Variants in CYP4A11 observed in about 807,000 individuals in gnomAD.
The protein encoded by CYP4A11 is cytochrome P450 4A11.
CYP4A11 carries 52 observed loss-of-function variants against 57.7 expected under a neutral mutation model. The ratio of observed to expected loss-of-function variants is 0.90; its 90% CI spans 0.72 to 1.14. CYP4A11 has a LOEUF of 1.14. CYP4A11 is among the 50% of genes most tolerant of loss of function. The pLI, the probability that CYP4A11 is intolerant of heterozygous loss-of-function variation, is 0.00. For synonymous variants in CYP4A11, 228 were observed against 247.1 expected (o/e 0.92, Z 0.72); for missense variants, 641 against 642.1 (o/e 1.00, Z 0.02).
intron 4 of CYP4A11, among the ~76,000 whole-genome samples, chr1:46,936,283 T>C (rs1042679994): frequency 6.6e-6 from 1 of 152,186 alleles, no homozygotes; most frequent in Non-Finnish European, 1.5e-5. Flanking sequence ...CCTGGGTGGG[T>C]GACATCTTGG....
chr1:46,933,084 A>G, intron 9 of CYP4A11, 37 bp from the exon 10 acceptor site: 1 of 1,613,000 alleles, frequency 6.2e-7, no homozygotes. Flanking sequence ...AAGACCAATC[A>G]TTTGCATGGG....
At chr1:46,936,182 G>T (rs1323576882) in intron 4 of CYP4A11, among the ~76,000 whole-genome samples, 1 of 152,246 alleles carries the variant, frequency 6.6e-6, no homozygotes, top group African/African-American at 2.4e-5. Context: ...GCTATCTATG[G>T]AAGGTATTGC....
intron 4 of CYP4A11, among the ~76,000 whole-genome samples, 154 bp downstream of exon 4, chr1:46,936,510 T>A (rs1484892803): frequency 1.7e-4 from 26 of 152,198 alleles, no homozygotes; most frequent in Non-Finnish European, 2.1e-4. Flanking sequence ...CTTATACAAC[T>A]CTGGGGAACC....
intron 1 of CYP4A11, 145 bp downstream of exon 1, chr1:46,941,094 G>T (rs1333380606): frequency 1.4e-6 from 2 of 1,416,020 alleles, no homozygotes; most frequent in Non-Finnish European, 9.3e-7. Context: ...ACTGGGAAAA[G>T]CTGAGACCAG....
rs1298589176 is a variant in CYP4A11, at chr1:46,933,992, C to T, written c.1176G>A (p.Glu392=). Residue 392 remains glutamate (E), a synonymous_variant, in exon 9 of 12, where the codon GAG becomes GAA. Coordinates refer to ENST00000310638, the MANE Select transcript of CYP4A11 (RefSeq NM_000778.4). Reference sequence around the variant, plus strand: ...CAGGGAAGGTGACGGGAGTGCTGAGCTCTCTGCCAATGCCTGGCACCGGTG... The same window carrying T: ...CAGGGAAGGTGACGGGAGTGCTGAGTTCTCTGCCAATGCCTGGCACCGGTG... ...LYPPVPGIGR[E]LSTPVTFPDG... is the part of the protein sequence containing the mutation. 9.3e-6 allele frequency: 15 copies of T among 1,614,102 alleles called. No homozygotes were observed. Among genetic ancestry groups the T allele is most frequent in the Non-Finnish European group, 1.0e-5 (12 of 1,180,014 alleles).
intron 1 of CYP4A11, among the ~76,000 whole-genome samples, chr1:46,939,301 T>C (rs1424254010): frequency 2.6e-5 from 4 of 152,196 alleles, no homozygotes; most frequent in African/African-American, 4.8e-5. Context: ...GCACACATAC[T>C]ATGTGCCCAG....
At chr1:46,934,135 T>A in intron 8 of CYP4A11, 41 bp downstream of exon 8, 1 of 1,608,962 alleles carries the variant, frequency 6.2e-7, no homozygotes, top group Non-Finnish European at 8.5e-7. Context: ...GGGGCCCCTG[T>A]GGAGAAGGCA....
intron 2 of CYP4A11, 30 bp from the exon 3 acceptor site, chr1:46,937,376 A>G (rs1366742569): frequency 2.3e-5 from 37 of 1,608,808 alleles, no homozygotes; most frequent in Non-Finnish European, 3.1e-5. Flanking sequence ...TTTATAGGAA[A>G]CTAGGAGTTA....
At chr1:46,935,829 G>A (rs935405877) in intron 4 of CYP4A11, among the ~76,000 whole-genome samples, 182 bp from the exon 5 acceptor site, 3 of 152,208 alleles carry the variant, frequency 2.0e-5, no homozygotes, top group Admixed American at 6.5e-5. Context: ...AGCCAGTGTT[G>A]GTAAACTGAC....
rs1233745475 is a variant in CYP4A11, at chr1:46,935,016, C to T, written c.774G>A (p.Leu258=). 1.9e-6 allele frequency: 3 copies of T among 1,613,786 alleles called. No individual in the cohort carries two copies. The highest frequency in any genetic ancestry group is 2.7e-5 in the African/African-American group (2 of 74,908). Residue 258 remains leucine (L), a synonymous_variant, in exon 6 of 12, where the codon CTG becomes CTA. Transcript: ENST00000310638. ...AGRWTHRACQ[L]AHQHTDQVIQ... ...AGACAGAACCTGTGTGCTGATGGGC[C>T]AGCTGGCAGGCGCGGTGTGTCCAGC...
In CYP4A11 at chr1:46,937,161, C is replaced by T. The variant is rs1681459851; in HGVS notation, c.382+141G>A. On this transcript the variant is annotated intron_variant, in intron 3 of 11. Transcript: ENST00000310638. ...ACCAGCATTAGGAAGGGGTGAGGGTCTTGTTAGAAGAAGGAAGTGAGGCTT... is the reference window on the plus strand; with the variant it reads ...ACCAGCATTAGGAAGGGGTGAGGGTTTTGTTAGAAGAAGGAAGTGAGGCTT... The T allele has an allele frequency of 3.9e-5, 41 of 1,050,782 alleles. No homozygotes were observed. The South Asian group carries it at 6.8e-4, about 18-fold the overall frequency. The allele number at this position is 1,050,782 out of a possible 1,614,324, so 65.1% of individuals were successfully genotyped here.
chr1:46,933,999 C>T lies in CYP4A11; in HGVS notation c.1169G>A (p.Gly390Asp), dbSNP rs1681203624. Reference sequence around the variant, plus strand: ...GGTGACGGGAGTGCTGAGCTCTCTGCCAATGCCTGGCACCGGTGGGTAGAG... The same window carrying T: ...GGTGACGGGAGTGCTGAGCTCTCTGTCAATGCCTGGCACCGGTGGGTAGAG... The part of the protein sequence containing the change: ...LRLYPPVPGI[G>D]RELSTPVTFP... The change falls in exon 9 of 12, where the codon GGC becomes GAC. Residue 390 changes from glycine to aspartate, a missense_variant. By Grantham distance (94) the Gly-to-Asp change is moderately conservative. Transcript: ENST00000310638. The T allele has an allele frequency of 6.2e-7, 1 of 1,613,928 alleles. No homozygotes were observed. Among genetic ancestry groups the T allele is most frequent in the Non-Finnish European group, 8.5e-7 (1 of 1,180,020 alleles).
At chr1:46,938,795 G>A (rs1231906224) in intron 1 of CYP4A11, among the ~76,000 whole-genome samples, 1 of 152,182 alleles carries the variant, frequency 6.6e-6, no homozygotes, top group Non-Finnish European at 1.5e-5. Flanking sequence ...TGAGCTCCCT[G>A]CTGCCTGCAG....
At chr1:46,930,561 G>A (rs1680960060) in intron 11 of CYP4A11, among the ~76,000 whole-genome samples, 1 of 152,180 alleles carries the variant, frequency 6.6e-6, no homozygotes, top group Non-Finnish European at 1.5e-5. Context: ...TCAGCAGCCT[G>A]AAACCCTCTA....
chr1:46,934,807 G>T (rs1400371064), intron 6 of CYP4A11, among the ~76,000 whole-genome samples, 193 bp downstream of exon 6: 1 of 152,156 alleles, frequency 6.6e-6, no homozygotes, highest in Non-Finnish European at 1.5e-5. Flanking sequence ...CTCCATGTGG[G>T]GACATTGATA....
At chr1:46,931,147 C>T (rs1409798175) in intron 11 of CYP4A11, among the ~76,000 whole-genome samples, 2 of 152,218 alleles carry the variant, frequency 1.3e-5, no homozygotes, top group Admixed American at 6.5e-5. Context: ...GTCCAGCCCA[C>T]GTCCTGGCCC....
rs766863924 is a variant in CYP4A11 at position 46,941,369 on chromosome 1, G to T, written c.65C>A (p.Ala22Asp). 5 of 1,614,166 alleles carry T rather than the reference G, an allele frequency of 3.1e-6. No homozygotes were observed. The Admixed American group carries it at 8.3e-5, about 27-fold the overall frequency. ...CAGCAGAAGCAGAATGAGCAGGGAG[G>T]CCGCTTGGAGGATTCCAGAGACATC... Reference protein sequence around the residue: ...LGDVSGILQAASLLILLLLLI... With the variant: ...LGDVSGILQADSLLILLLLLI... Residue 22 changes from alanine to aspartate, a missense_variant, in exon 1 of 12, where the codon GCC becomes GAC. Ala to Asp is a moderately radical substitution (Grantham distance 126). Coordinates refer to ENST00000310638, the MANE Select transcript of CYP4A11 (RefSeq NM_000778.4).
Position 46,941,353 on chromosome 1 carries a change from C to A in CYP4A11, c.81G>T (p.Leu27=). 6.2e-7 allele frequency: 1 copy of A among 1,614,182 alleles called. No homozygotes were observed. The highest frequency in any genetic ancestry group is 8.5e-7 in the Non-Finnish European group (1 of 1,180,040). The change falls in exon 1 of 12, where the codon CTG becomes CTT. Residue 27 remains leucine (L), a synonymous_variant. Coordinates refer to ENST00000310638, the MANE Select transcript of CYP4A11 (RefSeq NM_000778.4). ...GAACTGCCTTGATCAGCAGCAGAAG[C>A]AGAATGAGCAGGGAGGCCGCTTGGA... ...GILQAASLLI[L]LLLLIKAVQL...
rs1326282899 is a variant in CYP4A11 at position 46,930,050 on chromosome 1, G to C, written c.*65C>G. Reference sequence around the variant, plus strand: ...GGGAAGGTGGGCAGACAGAAAACAGGATATGGGCAGACAGGAAGGGGACAG... The same window carrying C: ...GGGAAGGTGGGCAGACAGAAAACAGCATATGGGCAGACAGGAAGGGGACAG... On this transcript the variant is annotated 3_prime_UTR_variant, in exon 12 of 12. Coordinates refer to ENST00000310638, the MANE Select transcript of CYP4A11 (RefSeq NM_000778.4). 8 of 1,538,598 alleles carry C rather than the reference G, an allele frequency of 5.2e-6. No individual in the cohort carries two copies. Among genetic ancestry groups the C allele is most frequent in the Non-Finnish European group, 7.0e-6 (8 of 1,139,508 alleles).
Sources: allele counts gnomAD v4.1 joint callset (sites outside exome capture counted in the v4.1 genomes callset), GRCh38; gene constraint gnomAD v4.1.1; transcripts MANE v1.5; gene names NCBI Gene and HGNC (gene_info 2026-07-23, HGNC 2026-07-21).